SAR1B: variants seen among roughly 807,000 people sequenced by gnomAD.
The protein encoded by SAR1B is small COPII coat GTPase SAR1B.
SAR1B carries 23 observed loss-of-function variants against 26.8 expected under a neutral mutation model. That is an observed-to-expected ratio of 0.86 (90% CI 0.62 to 1.22). The LOEUF (loss-of-function observed/expected upper bound fraction) is 1.22. SAR1B is among the 50% of genes most tolerant of loss of function. The pLI is 0.00. For synonymous variants in SAR1B, 65 were observed against 80.8 expected (o/e 0.80, Z 1.05); for missense variants, 196 against 232.8 (o/e 0.84, Z 1.03).
At chr5:134,623,852 T>C in intron 2 of SAR1B, 110 bp downstream of exon 2, 1 of 767,620 alleles carries the variant, frequency 1.3e-6, no homozygotes, top group Non-Finnish European at 2.3e-6. Context: ...CCCATATTCT[T>C]AACTATTCTT....
chr5:134,602,607 AGTGGCTCAT>A lies in SAR1B; in HGVS notation c.*4334_*4342del, dbSNP rs1765052078. On this transcript the variant is annotated 3_prime_UTR_variant, in exon 7 of 7. Transcript: ENST00000402673. ...CAACATGTAGTTTTAGGCTGGGCAC[AGTGGCTCAT>A]GTGTATAATCCCAGCACTTTGGGAG... 6.6e-6 allele frequency: 1 copy of A among 152,200 alleles called. No homozygotes were observed. Among genetic ancestry groups the A allele is most frequent in the Admixed American group, 6.5e-5 (1 of 15,276 alleles). 9.4% of individuals were successfully genotyped at this position (152,200 alleles called of 1,614,324 possible).
intron 2 of SAR1B, among the ~76,000 whole-genome samples, chr5:134,621,393 C>G (rs968271169): frequency 5.3e-5 from 8 of 151,992 alleles, no homozygotes; most frequent in Non-Finnish European, 8.8e-5. Context: ...TCACTGGAAC[C>G]CAGGAAGCAG....
chr5:134,614,644 A>T (rs1171504098), intron 3 of SAR1B: 1 of 152,224 alleles, frequency 6.6e-6, no homozygotes, highest in Non-Finnish European at 1.5e-5. Flanking sequence ...AAATTTCTAG[A>T]GTCCTTTCTC....
chr5:134,626,903 A>G (rs912243557), intron 1 of SAR1B, among the ~76,000 whole-genome samples: 1 of 152,188 alleles, frequency 6.6e-6, no homozygotes, highest in Admixed American at 6.6e-5. Flanking sequence ...TATACTAAAA[A>G]CACTTAATGT....
chr5:134,615,498 G>C (rs1231698644), intron 3 of SAR1B, among the ~76,000 whole-genome samples: 1 of 151,400 alleles, frequency 6.6e-6, no homozygotes, highest in Non-Finnish European at 1.5e-5. Flanking sequence ...CTGGGCAACA[G>C]AGAGAGATTC....
rs1377670005 is a variant in SAR1B, at chr5:134,603,872, C to T, written c.*3078G>A. 6.6e-6 allele frequency: 1 copy of T among 152,080 alleles called. No homozygotes were observed. The highest frequency in any genetic ancestry group is 1.9e-4 in the East Asian group (1 of 5,200). 9.4% of individuals were successfully genotyped at this position (152,080 alleles called of 1,614,324 possible). The stretch of plus-strand genomic sequence containing the variant: ...CGGTTGAAAACTAAGAAAGAAACAA[C>T]GTTCTGCTTTTATGCTATAAACCAC... On this transcript the variant is annotated 3_prime_UTR_variant, in exon 7 of 7. Transcript: ENST00000402673.
intron 1 of SAR1B, among the ~76,000 whole-genome samples, chr5:134,631,085 T>C (rs1765597428): frequency 6.6e-6 from 1 of 151,400 alleles, no homozygotes; most frequent in African/African-American, 2.4e-5. Flanking sequence ...TTTTTTTTAA[T>C]GTAGAGACTG....
At chr5:134,625,929 A>G (rs1222964809) in intron 1 of SAR1B, 1 of 152,132 alleles carries the variant, frequency 6.6e-6, no homozygotes, top group Non-Finnish European at 1.5e-5. Flanking sequence ...TGCTGTTGTA[A>G]AATTTGTCCC....
rs369515030 is a variant in SAR1B, at chr5:134,607,069, A to G, written c.481-3T>C. 2.7e-4 allele frequency: 412 copies of G among 1,540,720 alleles called. No homozygotes were observed. The highest frequency in any genetic ancestry group is 6.8e-4 in the African/African-American group (50 of 73,466). ...AGTTCTTTCAGAGATATACTCCCCTAGAATAGAAGAGAGACATTTCGTTGG... is the reference window on the plus strand; with the variant it reads ...AGTTCTTTCAGAGATATACTCCCCTGGAATAGAAGAGAGACATTTCGTTGG... On this transcript the variant is annotated splice_region_variant and splice_polypyrimidine_tract_variant and intron_variant, in intron 6 of 6. Coordinates refer to ENST00000402673, the MANE Select transcript of SAR1B (RefSeq NM_016103.4).
Position 134,608,443 on chromosome 5 carries a change from C to G in SAR1B, c.409G>C (p.Asp137His). The change falls in exon 6 of 7, where the codon GAC (aspartate) becomes CAC (histidine). Residue 137 changes from aspartate to histidine, a missense_variant. By Grantham distance (81) the Asp-to-His change is moderately conservative. Coordinates refer to ENST00000402673, the MANE Select transcript of SAR1B (RefSeq NM_016103.4). ...TCTTCACTGATGGCTTCAGGTCTGT[C>G]GATCTTATTCCCAAGAATCAGTATA... ...VPILILGNKI[D>H]RPEAISEERL... 1 of 1,610,760 alleles carries G rather than the reference C, an allele frequency of 6.2e-7. No homozygotes were observed. Among genetic ancestry groups the G allele is most frequent in the Non-Finnish European group, 8.5e-7 (1 of 1,178,980 alleles).
chr5:134,609,893 T>C (rs1238358028), intron 4 of SAR1B, among the ~76,000 whole-genome samples: 2 of 151,842 alleles, frequency 1.3e-5, no homozygotes, highest in Non-Finnish European at 2.9e-5. Flanking sequence ...TCAAATACTT[T>C]AGTCTCTTCC....
At chr5:134,613,042 C>A (rs1350622145) in intron 3 of SAR1B, 8 of 428,390 alleles carry the variant, frequency 1.9e-5, no homozygotes, top group Non-Finnish European at 3.4e-5. Flanking sequence ...TAGGTCATAG[C>A]CTGTTCCTCT....
intron 5 of SAR1B, 52 bp downstream of exon 5, chr5:134,609,519 G>T: frequency 6.9e-7 from 1 of 1,448,084 alleles, no homozygotes; most frequent in Non-Finnish European, 9.7e-7. Flanking sequence ...ACCTACTTCT[G>T]CAGGCTTACC....
intron 6 of SAR1B, 112 bp downstream of exon 6, chr5:134,608,259 AG>A: frequency 9.1e-7 from 1 of 1,104,728 alleles, no homozygotes; most frequent in South Asian, 1.4e-5. Context: ...TATAAATGAC[AG>A]TTTTCTTTAA....
At chr5:134,620,073 G>A (rs1250309816) in intron 3 of SAR1B, among the ~76,000 whole-genome samples, 2 of 152,124 alleles carry the variant, frequency 1.3e-5, no homozygotes, top group East Asian at 1.9e-4. Flanking sequence ...TTGGGAGGCC[G>A]AGGAAGGCGG....
intron 2 of SAR1B, among the ~76,000 whole-genome samples, chr5:134,622,410 C>CT (rs70976542): frequency 0.025 from 3,377 of 135,564 alleles, 125 homozygotes; most frequent in African/African-American, 0.068. Flanking sequence ...AGCCCATATT[C>CT]TTTTTTTTTT....
intron 2 of SAR1B, among the ~76,000 whole-genome samples, chr5:134,623,060 T>C (rs1450959205): frequency 6.8e-6 from 1 of 147,036 alleles, no homozygotes; most frequent in Non-Finnish European, 1.5e-5. Flanking sequence ...AGGCGAAGGT[T>C]GCAGTGAGCT....
intron 3 of SAR1B, chr5:134,613,643 A>G (rs1765258011): frequency 6.6e-6 from 1 of 152,224 alleles, no homozygotes; most frequent in East Asian, 1.9e-4. Flanking sequence ...TTTGCTATGA[A>G]TTCAAATAAC....
rs184027911 is a variant in SAR1B at position 134,625,014 on chromosome 5, G to C, written c.-18-977C>G. ...AGATAGTGGGATGGAAGAAGTAATA[G>C]GGAAGAAAGGAATTAACCAAAAGGG... On this transcript the variant is annotated intron_variant, in intron 1 of 6. Coordinates refer to ENST00000402673, the MANE Select transcript of SAR1B (RefSeq NM_016103.4). Among the ~76,000 whole-genome samples, 8 of 152,240 alleles carry C rather than the reference G, an allele frequency of 5.3e-5. No homozygotes were observed. In the East Asian group the frequency reaches 1.5e-3, roughly 29 times the overall value.
Sources: allele counts gnomAD v4.1 joint callset (sites outside exome capture counted in the v4.1 genomes callset), GRCh38; gene constraint gnomAD v4.1.1; transcripts MANE v1.5; gene names NCBI Gene and HGNC (gene_info 2026-07-23, HGNC 2026-07-21).